Variants in LRP1B observed in about 807,000 individuals in gnomAD.
LRP1B encodes the protein LDL receptor related protein 1B.
Under a neutral mutation model 556.6 loss-of-function variants are expected in LRP1B, and 217 were observed. The ratio of observed to expected loss-of-function variants is 0.39; its 90% CI spans 0.35 to 0.44. The LOEUF (loss-of-function observed/expected upper bound fraction) is 0.44, where lower values mean the gene tolerates loss of function less well. Ranked by LOEUF, LRP1B falls within the 20% of genes least tolerant of loss-of-function variation. The pLI, the probability that LRP1B is intolerant of heterozygous loss-of-function variation, is 1.00. For missense variants in LRP1B, 5,053 were observed against 5,620.8 expected, an observed-to-expected ratio of 0.90 and a Z score of 3.23; for synonymous variants, 2,047 against 1,865.8, an observed-to-expected ratio of 1.10 and a Z score of -2.50.
intron 41 of LRP1B, among the ~76,000 whole-genome samples, chr2:140,636,263 T>C (rs1236073885): frequency 1.3e-5 from 2 of 152,182 alleles, no homozygotes; most frequent in African/African-American, 4.8e-5. Context: ...CATGGAAGAC[T>C]CAATACCCGT....
intron 1 of LRP1B, among the ~76,000 whole-genome samples, chr2:141,927,628 A>G (rs1427966144): frequency 6.6e-6 from 1 of 151,710 alleles, no homozygotes; most frequent in Non-Finnish European, 1.5e-5. Flanking sequence ...CTTTCAATAC[A>G]TTTCTTCTTT....
chr2:142,089,457 T>C (rs1288216317), intron 1 of LRP1B, among the ~76,000 whole-genome samples: 1 of 152,238 alleles, frequency 6.6e-6, no homozygotes, highest in Non-Finnish European at 1.5e-5. Flanking sequence ...TATCACAATG[T>C]TCCGATGGAT....
intron 2 of LRP1B, among the ~76,000 whole-genome samples, chr2:141,655,584 C>T (rs751737315): frequency 1.3e-5 from 2 of 151,944 alleles, no homozygotes; most frequent in African/African-American, 2.4e-5. Context: ...TTATCAAGTA[C>T]CATAATGATT....
chr2:140,504,767 T>A (rs1016835835), intron 53 of LRP1B, among the ~76,000 whole-genome samples: 5 of 152,178 alleles, frequency 3.3e-5, no homozygotes, highest in African/African-American at 1.2e-4. Flanking sequence ...TCTGACACAT[T>A]CTGTACCTTC....
At chr2:140,671,993 G>T (rs1685501888) in intron 41 of LRP1B, among the ~76,000 whole-genome samples, 1 of 152,248 alleles carries the variant, frequency 6.6e-6, no homozygotes, top group Non-Finnish European at 1.5e-5. Flanking sequence ...ATCTCATAAA[G>T]TCAAAAGTCT....
At chr2:141,588,354 C>T (rs1386818223) in intron 2 of LRP1B, among the ~76,000 whole-genome samples, 1 of 151,712 alleles carries the variant, frequency 6.6e-6, no homozygotes, top group African/African-American at 2.4e-5. Flanking sequence ...TAATACTGGC[C>T]TAAAATCACA....
At chr2:141,634,800 G>A (rs535038277) in intron 2 of LRP1B, among the ~76,000 whole-genome samples, 16 of 152,012 alleles carry the variant, frequency 1.1e-4, no homozygotes, top group African/African-American at 3.9e-4. Context: ...ACCCATTTCA[G>A]CTACGAGAGT....
intron 65 of LRP1B, among the ~76,000 whole-genome samples, chr2:140,444,043 G>C (rs1421891967): frequency 6.6e-6 from 1 of 152,024 alleles, no homozygotes; most frequent in African/African-American, 2.4e-5. Context: ...ATAATCAACT[G>C]CCATGTTTTA....
intron 87 of LRP1B, among the ~76,000 whole-genome samples, chr2:140,242,973 T>C (rs1681015824): frequency 6.6e-6 from 1 of 151,134 alleles, no homozygotes; most frequent in Non-Finnish European, 1.5e-5. Context: ...GGATGGAACT[T>C]AAGTGTTGTT....
intron 66 of LRP1B, among the ~76,000 whole-genome samples, chr2:140,411,226 T>C (rs908865226): frequency 3.9e-5 from 6 of 152,134 alleles, no homozygotes; most frequent in Non-Finnish European, 5.9e-5. Flanking sequence ...AATGAGAACA[T>C]ATTTTATTGA....
intron 43 of LRP1B, among the ~76,000 whole-genome samples, chr2:140,572,989 T>G (rs1681385721): frequency 1.3e-5 from 2 of 151,784 alleles, no homozygotes; most frequent in African/African-American, 4.8e-5. Flanking sequence ...TAGTGGTTAC[T>G]AGAGGGTGGC....
At chr2:141,580,370 C>A (rs1003249431) in intron 2 of LRP1B, among the ~76,000 whole-genome samples, 2 of 152,196 alleles carry the variant, frequency 1.3e-5, no homozygotes, top group African/African-American at 4.8e-5. Flanking sequence ...TTGCAGAGCA[C>A]TATCAACCTG....
chr2:141,497,456 C>A (rs554539913), intron 2 of LRP1B, among the ~76,000 whole-genome samples: 1 of 151,988 alleles, frequency 6.6e-6, no homozygotes, highest in Non-Finnish European at 1.5e-5. Flanking sequence ...AGCAACTTGG[C>A]GTCCTAGTTT....
intron 2 of LRP1B, among the ~76,000 whole-genome samples, chr2:141,699,057 A>G (rs1449876208): frequency 6.6e-6 from 1 of 151,932 alleles, no homozygotes; most frequent in African/African-American, 2.4e-5. Context: ...TTCCTTCATC[A>G]GAATCCTATT....
At chr2:140,330,199 C>CAATAATAAT (rs70985089) in intron 79 of LRP1B, among the ~76,000 whole-genome samples, 11,131 of 137,764 alleles carry the variant, frequency 0.081, 488 homozygotes, top group Non-Finnish European at 0.09. Context: ...GACTCTGTCT[C>CAATAATAAT]AATAATAATA....
At chr2:141,309,908 G>C (rs781410453) in intron 3 of LRP1B, among the ~76,000 whole-genome samples, 32 of 152,040 alleles carry the variant, frequency 2.1e-4, no homozygotes, top group Non-Finnish European at 1.3e-4. Context: ...AAAGATAAGT[G>C]TTCCTTAAAT....
chr2:142,114,507 G>T (rs1349572462), intron 1 of LRP1B, among the ~76,000 whole-genome samples: 2 of 152,208 alleles, frequency 1.3e-5, no homozygotes, highest in East Asian at 3.9e-4. Flanking sequence ...GCCAAGATAT[G>T]AAATCAACCT....
At chr2:141,933,867 T>C (rs1158257952) in intron 1 of LRP1B, among the ~76,000 whole-genome samples, 1 of 152,078 alleles carries the variant, frequency 6.6e-6, no homozygotes, top group Non-Finnish European at 1.5e-5. Context: ...ATTTATAAAT[T>C]CATGAGTAAT....
chr2:141,231,355 A>G (rs1683457313), intron 5 of LRP1B, among the ~76,000 whole-genome samples: 1 of 152,186 alleles, frequency 6.6e-6, no homozygotes, highest in African/African-American at 2.4e-5. Flanking sequence ...CAGGCTTAAA[A>G]CAATCCTATA....
Sources: allele counts gnomAD v4.1 joint callset (sites outside exome capture counted in the v4.1 genomes callset), GRCh38; gene constraint gnomAD v4.1.1; transcripts MANE v1.5; gene names NCBI Gene and HGNC (gene_info 2026-07-23, HGNC 2026-07-21).